The following DDX60 variants were observed in gnomAD, a reference collection of about 807,000 sequenced individuals.
The protein encoded by DDX60 is DExD/H-box helicase 60.
In DDX60, 165 loss-of-function variants were observed where a neutral mutation model predicts 212.8. The observed-to-expected ratio is 0.78, with a 90% confidence interval of 0.68 to 0.88. The LOEUF is 0.88. DDX60 is among the 40% of genes least tolerant of loss of function. DDX60 has a pLI of 0.00. For missense variants in DDX60, 1,905 were observed against 2,003.9 expected, an observed-to-expected ratio of 0.95 and a Z score of 0.94; for synonymous variants, 703 against 685.3, an observed-to-expected ratio of 1.03 and a Z score of -0.40.
chr4:168,255,509 T>G (rs17611381), intron 26 of DDX60, among the ~76,000 whole-genome samples: 37,315 of 152,104 alleles, frequency 0.25, 4,599 homozygotes, highest in Non-Finnish European at 0.27. Context: ...TAAATGAGGC[T>G]GATTGATGCA....
intron 28 of DDX60, among the ~76,000 whole-genome samples, chr4:168,248,990 C>T (rs898084435): frequency 5.3e-5 from 8 of 152,156 alleles, no homozygotes; most frequent in Non-Finnish European, 2.9e-5. Context: ...GAACTCCCGA[C>T]CTCAGCTGAT....
At chr4:168,294,379 G>A (rs916487584) in intron 6 of DDX60, among the ~76,000 whole-genome samples, 6 of 152,126 alleles carry the variant, frequency 3.9e-5, no homozygotes, top group Non-Finnish European at 8.8e-5. Flanking sequence ...GGCCACAAAA[G>A]CACAGGCAAC....
At chr4:168,219,502 A>G (rs1732973931) in intron 37 of DDX60, among the ~76,000 whole-genome samples, 1 of 152,088 alleles carries the variant, frequency 6.6e-6, no homozygotes, top group Admixed American at 6.6e-5. Flanking sequence ...CCACTCAAGG[A>G]ATACCCTATC....
At chr4:168,308,345 C>T in intron 3 of DDX60, 150 bp from the exon 4 acceptor site, 2 of 573,100 alleles carry the variant, frequency 3.5e-6, no homozygotes, top group Non-Finnish European at 6.1e-6. Context: ...GCTTTTCAAA[C>T]ATATCTACAT....
In DDX60 at chr4:168,306,643, A is replaced by G; in HGVS notation, c.342T>C (p.Asn114=). 1 of 1,614,176 alleles carries G rather than the reference A, an allele frequency of 6.2e-7. No homozygotes were observed. The highest frequency in any genetic ancestry group is 1.1e-5 in the South Asian group (1 of 91,084). Residue 114 remains asparagine (N), a synonymous_variant, in exon 5 of 38, where the codon AAT becomes AAC. Transcript: ENST00000393743. ...ATGTTGTTCGAACATCAATGGTGGT[A>G]TTCTTCTGAAGATGAAGAATTAAAG... is the stretch of plus-strand genomic sequence containing the variant. ...RTALILHLQK[N]TTIDVRTTFS... is the part of the protein sequence containing the mutation.
chr4:168,318,900 C>T (rs1737531527), upstream of DDX60: 5 of 152,330 alleles, frequency 3.3e-5, no homozygotes, highest in South Asian at 1.0e-3. Context: ...TCCCTTCAAT[C>T]AGAATCTTAA....
chr4:168,226,563 C>T (rs1358434470), intron 33 of DDX60, among the ~76,000 whole-genome samples: 1 of 151,926 alleles, frequency 6.6e-6, no homozygotes, highest in Non-Finnish European at 1.5e-5. Context: ...TGTGTATATT[C>T]ATGGATTATA....
At chr4:168,246,742 AC>A (rs1428812933) in intron 29 of DDX60, 124 bp from the exon 30 acceptor site, 14 of 957,758 alleles carry the variant, frequency 1.5e-5, no homozygotes, top group Non-Finnish European at 2.0e-5. Context: ...CCATTAAGGA[AC>A]GGACACTAAC....
intron 24 of DDX60, 40 bp downstream of exon 24, chr4:168,261,960 A>T (rs2149511962): frequency 6.4e-7 from 1 of 1,564,556 alleles, no homozygotes; most frequent in Non-Finnish European, 8.6e-7. Flanking sequence ...TCAAGAAAAC[A>T]ACAAAAATAA....
At position 168,293,867 on chromosome 4, in the gene DDX60, A is replaced by G; in HGVS notation, c.802T>C (p.Cys268Arg). The change falls in exon 7 of 38, where the codon TGC becomes CGC. Residue 268 changes from cysteine to arginine, a missense_variant. By Grantham distance (180) the Cys-to-Arg change is radical. Transcript: ENST00000393743. ...TGGTACATTCTCAAAGATAATGAGC[A>G]TGAAGTAACACAAAAGACACGCCGA... ...DIRRVFCVTS[C>R]SLSLRMYHRF... The G allele has an allele frequency of 6.2e-7, 1 of 1,614,016 alleles. No individual in the cohort carries two copies. The highest frequency in any genetic ancestry group is 8.5e-7 in the Non-Finnish European group (1 of 1,179,926).
chr4:168,310,889 C>T (rs1737099011), intron 3 of DDX60, 109 bp downstream of exon 3: 1 of 616,762 alleles, frequency 1.6e-6, no homozygotes, highest in South Asian at 2.3e-5. Context: ...GTGCCCTTAG[C>T]CCCTACATTG....
chr4:168,321,640 T>A (rs1305241969), upstream of DDX60, among the ~76,000 whole-genome samples: 1 of 152,146 alleles, frequency 6.6e-6, no homozygotes. Context: ...TTCTGATAAC[T>A]CCATATTCCA....
At chr4:168,320,370 G>T (rs1737574508), upstream of DDX60, among the ~76,000 whole-genome samples, 2 of 152,270 alleles carry the variant, frequency 1.3e-5, no homozygotes, top group Middle Eastern at 3.4e-3. Context: ...GACAGAATGT[G>T]GGGACACTAC....
chr4:168,297,306 GAA>G (rs1400500835), intron 6 of DDX60, among the ~76,000 whole-genome samples: 3 of 10,362 alleles, frequency 2.9e-4, no homozygotes, highest in Non-Finnish European at 4.8e-4. Flanking sequence ...ACGAAAGAAA[GAA>G]AGAAAGAAAG....
chr4:168,244,880 A>C lies in DDX60; in HGVS notation c.4164+1538T>G, dbSNP rs181136856. Among the ~76,000 whole-genome samples, 95 of 151,872 alleles carry C rather than the reference A, an allele frequency of 6.3e-4. 1 individual carries two copies. The East Asian group carries it at 0.013, about 20-fold the overall frequency. On this transcript the variant is annotated intron_variant, in intron 30 of 37. Coordinates refer to ENST00000393743, the MANE Select transcript of DDX60 (RefSeq NM_017631.6). ...AAGGTAAGTTTTATGTTTTCTCATA[A>C]AAAAAAATAGCAATGAAAAACAGAA... is the stretch of plus-strand genomic sequence containing the variant.
Position 168,236,390 on chromosome 4 carries a change from G to A in DDX60, c.4412-17C>T. 6.4e-7 allele frequency: 1 copy of A among 1,572,260 alleles called. No individual in the cohort carries two copies. Among genetic ancestry groups the A allele is most frequent in the Non-Finnish European group, 8.6e-7 (1 of 1,158,994 alleles). On this transcript the variant is annotated splice_polypyrimidine_tract_variant and intron_variant, in intron 32 of 37. Transcript: ENST00000393743. ...GTTTTGAGCCTATATAAAACAAAGTGTCTTCTTGTAAATATGAAAGGGTAT... is the reference window on the plus strand; with the variant it reads ...GTTTTGAGCCTATATAAAACAAAGTATCTTCTTGTAAATATGAAAGGGTAT...
rs1362224578 is a variant in DDX60 at position 168,236,393 on chromosome 4, T to G, written c.4412-20A>C. ...TTGAGCCTATATAAAACAAAGTGTC[T>G]TCTTGTAAATATGAAAGGGTATAAT... On this transcript the variant is annotated intron_variant, in intron 32 of 37. Transcript: ENST00000393743. The G allele has an allele frequency of 1.5e-5, 24 of 1,570,254 alleles. No individual in the cohort carries two copies. The highest frequency in any genetic ancestry group is 2.0e-5 in the Non-Finnish European group (23 of 1,158,316).
At chr4:168,226,584 C>T (rs550130716) in intron 33 of DDX60, among the ~76,000 whole-genome samples, 15 of 152,058 alleles carry the variant, frequency 9.9e-5, no homozygotes, top group South Asian at 8.3e-4. Flanking sequence ...TGAGATATTT[C>T]GATGCAGGCA....
chr4:168,249,228 C>G (rs1734131561), intron 28 of DDX60, among the ~76,000 whole-genome samples: 1 of 152,130 alleles, frequency 6.6e-6, no homozygotes, highest in Non-Finnish European at 1.5e-5. Context: ...TGTCTTTCCC[C>G]CCTAAATTGT....
Sources: allele counts gnomAD v4.1 joint callset (sites outside exome capture counted in the v4.1 genomes callset), GRCh38; gene constraint gnomAD v4.1.1; transcripts MANE v1.5; gene names NCBI Gene and HGNC (gene_info 2026-07-23, HGNC 2026-07-21).